KHDRBS2: variants seen among roughly 807,000 people sequenced by gnomAD.
The protein encoded by KHDRBS2 is KH RNA binding domain containing, signal transduction associated 2.
In KHDRBS2, 26 loss-of-function variants were observed where a neutral mutation model predicts 44.3. The observed-to-expected ratio is 0.59, with a 90% CI of 0.43 to 0.81. KHDRBS2 has a LOEUF of 0.81. Among genes scored for constraint, KHDRBS2 ranks in the 40% least tolerant of loss-of-function variants. The probability of loss-of-function intolerance (pLI) is 0.00; values close to 1 mark genes in which losing one functional copy is unlikely to be tolerated. For missense variants in KHDRBS2, 476 were observed against 433.1 expected (o/e 1.10, Z -0.88); for synonymous variants, 194 against 151.1 (o/e 1.28, Z -2.08).
the KHDRBS2 span, among the ~76,000 whole-genome samples, chr6:61,561,060 G>A: frequency 9.9e-5 from 15 of 152,232 alleles, 1 homozygote; most frequent in Admixed American, 2.6e-4. Context: ...ACCCAGTACC[G>A]ACGTGTCTCT....
intron 4 of KHDRBS2, among the ~76,000 whole-genome samples, chr6:61,969,527 T>C (rs1189565496): frequency 2.0e-5 from 3 of 152,076 alleles, no homozygotes; most frequent in African/African-American, 7.2e-5. Context: ...AGTACTCATA[T>C]ACCCTTTATT....
chr6:61,701,517 A>C (rs1472558739), intron 7 of KHDRBS2, among the ~76,000 whole-genome samples: 4 of 151,952 alleles, frequency 2.6e-5, no homozygotes, highest in African/African-American at 9.7e-5. Context: ...AGAAGAAAGC[A>C]TGCTGCAAAA....
intron 2 of KHDRBS2, among the ~76,000 whole-genome samples, chr6:62,134,979 T>C (rs1811193390): frequency 1.3e-5 from 2 of 152,150 alleles, no homozygotes; most frequent in South Asian, 2.1e-4. Context: ...CTGTGGGCTT[T>C]TGAGTTAATA....
the KHDRBS2 span, among the ~76,000 whole-genome samples, chr6:61,602,280 C>A: frequency 2.0e-5 from 3 of 152,150 alleles, no homozygotes; most frequent in African/African-American, 7.2e-5. Flanking sequence ...GTGAGACAAA[C>A]CCCAGCCAAA....
chr6:62,213,181 A>T (rs1162977621), intron 1 of KHDRBS2, among the ~76,000 whole-genome samples: 1 of 152,186 alleles, frequency 6.6e-6, no homozygotes, highest in Admixed American at 6.5e-5. Flanking sequence ...GGGCATTGAT[A>T]ATGTGATTAT....
intron 8 of KHDRBS2, among the ~76,000 whole-genome samples, chr6:61,685,740 T>A (rs1417532516): frequency 1.3e-5 from 2 of 151,786 alleles, no homozygotes; most frequent in Non-Finnish European, 2.9e-5. Context: ...TCTCAAATAC[T>A]GTGCGAAATG....
At chr6:61,597,773 T>TACACAC in the KHDRBS2 span, among the ~76,000 whole-genome samples, 5 of 42,354 alleles carry the variant, frequency 1.2e-4, 1 homozygote, top group Non-Finnish European at 2.4e-4. Flanking sequence ...TATATATATA[T>TACACAC]ACACCAAGAT....
intron 6 of KHDRBS2, among the ~76,000 whole-genome samples, chr6:61,742,308 T>C (rs1378899776): frequency 6.6e-6 from 1 of 151,950 alleles, no homozygotes; most frequent in Non-Finnish European, 1.5e-5. Context: ...TCATATATGA[T>C]CTCTTGTTAC....
At chr6:62,080,259 A>G (rs764793040) in intron 2 of KHDRBS2, among the ~76,000 whole-genome samples, 60 of 152,250 alleles carry the variant, frequency 3.9e-4, no homozygotes, top group Middle Eastern at 3.4e-3. Context: ...TGGTATATAT[A>G]CATTATTTTA....
intron 2 of KHDRBS2, among the ~76,000 whole-genome samples, chr6:62,089,520 C>T (rs1799096705): frequency 1.3e-5 from 2 of 152,226 alleles, no homozygotes; most frequent in South Asian, 4.1e-4. Context: ...TGAGGTGATG[C>T]CCCACCCTCC....
chr6:61,632,621 A>G, the KHDRBS2 span, among the ~76,000 whole-genome samples: 3 of 152,128 alleles, frequency 2.0e-5, no homozygotes, highest in Non-Finnish European at 4.4e-5. Flanking sequence ...TGTATTTTCT[A>G]CTTTTGTTTA....
At chr6:62,016,672 T>C (rs1562648589) in intron 3 of KHDRBS2, among the ~76,000 whole-genome samples, 1 of 150,830 alleles carries the variant, frequency 6.6e-6, no homozygotes, top group South Asian at 2.1e-4. Context: ...TATAGTCTGA[T>C]CGAGAGTGAC....
intron 6 of KHDRBS2, chr6:61,817,081 T>C (rs1789076241): frequency 7.5e-6 from 3 of 402,350 alleles, no homozygotes; most frequent in Non-Finnish European, 1.5e-5. Context: ...AAAAAAACTT[T>C]CCACAAAGCA....
chr6:62,209,684 A>G (rs1182089001), intron 1 of KHDRBS2, among the ~76,000 whole-genome samples: 1 of 152,138 alleles, frequency 6.6e-6, no homozygotes, highest in East Asian at 1.9e-4. Flanking sequence ...AGGCAGACCC[A>G]CCCTCAATCT....
intron 1 of KHDRBS2, among the ~76,000 whole-genome samples, chr6:62,241,340 T>C (rs1275953849): frequency 7.2e-5 from 11 of 152,192 alleles, no homozygotes; most frequent in Admixed American, 2.0e-4. Flanking sequence ...TTTACTCTTT[T>C]TTATATGATA....
chr6:62,122,196 T>C (rs1312158289), intron 2 of KHDRBS2, among the ~76,000 whole-genome samples: 2 of 152,106 alleles, frequency 1.3e-5, no homozygotes, highest in Admixed American at 1.3e-4. Flanking sequence ...CAGTGGCAGA[T>C]AGGGATGCTA....
intron 4 of KHDRBS2, among the ~76,000 whole-genome samples, chr6:61,913,539 T>A: frequency 6.6e-6 from 1 of 151,362 alleles, no homozygotes; most frequent in East Asian, 1.9e-4. Flanking sequence ...ATAAAACAAA[T>A]ATGCTTGCTT....
In KHDRBS2 at chr6:62,145,253, C is replaced by CT. The variant is rs892746841; in HGVS notation, c.219+31931dup. Among the ~76,000 whole-genome samples the CT allele has an allele frequency of 5.5e-4, 80 of 145,446 alleles. 1 individual carries two copies. Among genetic ancestry groups the CT allele is most frequent in the African/African-American group, 2.0e-3 (76 of 38,074 alleles). ...CAATATATCATTCCTACTGCTTTCT[C>CT]TTTTTTGTTTTTTTTTGGTAGGCTT... On this transcript the variant is annotated intron_variant, in intron 2 of 8. Coordinates refer to ENST00000281156, the MANE Select transcript of KHDRBS2 (RefSeq NM_152688.4).
At position 61,749,009 on chromosome 6, in the gene KHDRBS2, C is replaced by CTT. The variant is rs34423906; in HGVS notation, c.811-16247_811-16246dup. Among the ~76,000 whole-genome samples the CTT allele has an allele frequency of 7.3e-3, 709 of 97,210 alleles. 36 individuals carry two copies. The highest frequency in any genetic ancestry group is 0.024 in the African/African-American group (587 of 24,282). The allele number at this position is 97,210 out of a possible 152,430, so 63.8% of individuals were successfully genotyped here. ...TTCTTTTTCTTTTCTTTCTTTCTTTCTTTTTTTTTTTTTTTTTTTTTGAGA... is the reference window on the plus strand; with the variant it reads ...TTCTTTTTCTTTTCTTTCTTTCTTTCTTTTTTTTTTTTTTTTTTTTTTTGAGA... On this transcript the variant is annotated intron_variant, in intron 6 of 8. Transcript: ENST00000281156.
Sources: gnomAD v4.1 joint callset for allele counts (sites outside exome capture counted in the v4.1 genomes callset) on GRCh38, gnomAD v4.1.1 for gene constraint, MANE v1.5 for transcripts, NCBI Gene and HGNC (gene_info 2026-07-23, HGNC 2026-07-21) for gene names.